AKR1C3: variants seen among roughly 807,000 people sequenced by gnomAD.
AKR1C3 encodes the protein 3-alpha hydroxysteroid dehydrogenase, type II.
In AKR1C3, 48 loss-of-function variants were observed where a neutral mutation model predicts 43.6. That is an observed-to-expected ratio of 1.10 (90% CI 0.87 to 1.40). The LOEUF is 1.40. Ranked by LOEUF, AKR1C3 falls within the 40% of genes most tolerant of loss-of-function variation. The pLI, the probability that AKR1C3 is intolerant of heterozygous loss-of-function variation, is 0.00. For synonymous variants in AKR1C3, 162 were observed against 139.6 expected (o/e 1.16, Z -1.13); for missense variants, 482 against 391.2 (o/e 1.23, Z -1.96).
upstream of AKR1C3, among the ~76,000 whole-genome samples, chr10:5,090,019 C>G (rs1554783915): frequency 6.6e-6 from 1 of 152,096 alleles, no homozygotes; most frequent in Non-Finnish European, 1.5e-5. Flanking sequence ...TAGGTTTTTA[C>G]ATTGAGTTGC....
intron 1 of AKR1C3, among the ~76,000 whole-genome samples, chr10:5,073,332 G>A (rs559382461): frequency 6.6e-6 from 1 of 152,196 alleles, no homozygotes; most frequent in Admixed American, 6.5e-5. Flanking sequence ...AGAATGGCAG[G>A]AGATTTCATT....
At chr10:5,106,379 G>T (rs1839500922) in intron 8 of AKR1C3, among the ~76,000 whole-genome samples, 1 of 152,144 alleles carries the variant, frequency 6.6e-6, no homozygotes, top group African/African-American at 2.4e-5. Context: ...ATTTGTAGCT[G>T]ATAAAAGATC....
chr10:5,053,945 G>A (rs966227915), intron 1 of AKR1C3, among the ~76,000 whole-genome samples: 5 of 152,184 alleles, frequency 3.3e-5, no homozygotes, highest in Non-Finnish European at 5.9e-5. Context: ...AAAATACAGG[G>A]CCCAAAGGCA....
chr10:5,062,323 G>A (rs1267261098), intron 1 of AKR1C3, among the ~76,000 whole-genome samples: 3 of 152,104 alleles, frequency 2.0e-5, no homozygotes, highest in African/African-American at 7.2e-5. Flanking sequence ...ATTCAGGGAG[G>A]CTATAAACTT....
chr10:5,103,746 T>G (rs1305002730), intron 7 of AKR1C3, among the ~76,000 whole-genome samples: 10 of 152,226 alleles, frequency 6.6e-5, no homozygotes, highest in African/African-American at 2.4e-4. Flanking sequence ...CCATTGCTTC[T>G]GGCAAATATT....
intron 1 of AKR1C3, among the ~76,000 whole-genome samples, chr10:5,051,363 C>T (rs34569715): frequency 0.076 from 11,538 of 152,240 alleles, 613 homozygotes; most frequent in Non-Finnish European, 0.11. Flanking sequence ...TCCCAAAGTG[C>T]TGGGATTACA....
chr10:5,063,787 A>AAAAAAAAAAAAAAAAC (rs1554780514), intron 1 of AKR1C3, among the ~76,000 whole-genome samples: 1 of 148,100 alleles, frequency 6.8e-6, no homozygotes, highest in Non-Finnish European at 1.5e-5. Context: ...AAAAAAAAAA[A>AAAAAAAAAAAAAAAAC]AAGGAAAATG....
At chr10:5,085,373 T>A (rs1488274749) in intron 1 of AKR1C3, among the ~76,000 whole-genome samples, 1 of 152,054 alleles carries the variant, frequency 6.6e-6, no homozygotes, top group Non-Finnish European at 1.5e-5. Flanking sequence ...TATGCTGGAT[T>A]ACATTTATTG....
chr10:5,102,202 CAAACGATGGTAAT>C lies in AKR1C3; in HGVS notation c.676_680+8del. 8 of 1,612,526 alleles carry C rather than the reference CAAACGATGGTAAT, an allele frequency of 5.0e-6. No homozygotes were observed. Among genetic ancestry groups the C allele is most frequent in the Non-Finnish European group, 6.8e-6 (8 of 1,178,896 alleles). On this transcript the variant is annotated splice_donor_variant and splice_donor_5th_base_variant and coding_sequence_variant and intron_variant, in exon 6 of 9. Transcript: ENST00000380554. LOFTEE classifies it high-confidence loss of function. ...ATAGTGCTCTGGGATCTCAACGAGA[CAAACGATGGTAAT>C]AAAAACAATGGGACCTTTACATAAA...
chr10:5,056,243 G>A (rs1247558509), intron 1 of AKR1C3, among the ~76,000 whole-genome samples: 1 of 152,168 alleles, frequency 6.6e-6, no homozygotes, highest in African/African-American at 2.4e-5. Flanking sequence ...AAGTTGGGAT[G>A]TGTGGTCTGT....
At chr10:5,073,108 C>G (rs1394859375) in intron 1 of AKR1C3, among the ~76,000 whole-genome samples, 1 of 151,940 alleles carries the variant, frequency 6.6e-6, no homozygotes, top group South Asian at 2.1e-4. Context: ...GGATTACAGG[C>G]AGGCACCACC....
chr10:5,088,680 C>A (rs1267998982), intron 1 of AKR1C3, among the ~76,000 whole-genome samples: 1 of 151,382 alleles, frequency 6.6e-6, no homozygotes, highest in Non-Finnish European at 1.5e-5. Context: ...TAAATGAAAA[C>A]AAATCTGTAG....
intron 1 of AKR1C3, among the ~76,000 whole-genome samples, chr10:5,061,328 A>G (rs187409320): frequency 1.3e-5 from 2 of 152,310 alleles, no homozygotes; most frequent in South Asian, 2.1e-4. Context: ...TTGAGGAACA[A>G]GAAAACACAC....
chr10:5,080,027 T>C (rs1400018376), intron 1 of AKR1C3, among the ~76,000 whole-genome samples: 1 of 152,158 alleles, frequency 6.6e-6, no homozygotes, highest in Non-Finnish European at 1.5e-5. Flanking sequence ...ACCTGGACAA[T>C]GGCAATGAAG....
At chr10:5,078,094 C>A (rs1263546678) in intron 1 of AKR1C3, 8 of 586,674 alleles carry the variant, frequency 1.4e-5, no homozygotes, top group Non-Finnish European at 2.4e-5. Flanking sequence ...GGAATGATGT[C>A]TTTTGTTTCC....
chr10:5,086,794 C>T (rs1588348204), intron 1 of AKR1C3, among the ~76,000 whole-genome samples: 3 of 152,180 alleles, frequency 2.0e-5, no homozygotes. Context: ...GGATAGTTAG[C>T]TCTTCTTGTT....
chr10:5,098,156 A>G, intron 3 of AKR1C3: 1 of 985,976 alleles, frequency 1.0e-6, no homozygotes, highest in African/African-American at 1.7e-5. Context: ...GAGTTTACTG[A>G]GTTATGTAAA....
intron 1 of AKR1C3, among the ~76,000 whole-genome samples, chr10:5,082,628 C>T (rs1838862500): frequency 6.6e-6 from 1 of 152,124 alleles, no homozygotes; most frequent in South Asian, 2.1e-4. Flanking sequence ...ATCATCCTTG[C>T]ATCCCTGGAA....
rs1554785673 is a variant in AKR1C3 at position 5,099,461 on chromosome 10, T to C, written c.570+12T>C. ...CTGTCTGCAACCAGGTGAGCTCCCT[T>C]GGCCTTCTCTCCTTTCGGTTCTTCA... On this transcript the variant is annotated intron_variant, in intron 5 of 8. Coordinates refer to ENST00000380554, the MANE Select transcript of AKR1C3 (RefSeq NM_003739.6). 2 of 1,614,154 alleles carry C rather than the reference T, an allele frequency of 1.2e-6. No homozygotes were observed. The highest frequency in any genetic ancestry group is 2.2e-5 in the East Asian group (1 of 44,884).
Sources: gnomAD v4.1 joint callset for allele counts (sites outside exome capture counted in the v4.1 genomes callset) on GRCh38, gnomAD v4.1.1 for gene constraint, MANE v1.5 for transcripts, NCBI Gene and HGNC (gene_info 2026-07-23, HGNC 2026-07-21) for gene names.